CADM2: variants seen among roughly 807,000 people sequenced by gnomAD.
CADM2 encodes the protein immunoglobulin superfamily member 4D.
Under a neutral mutation model 49.8 loss-of-function variants are expected in CADM2, and 12 were observed. That is an observed-to-expected ratio of 0.24 (90% CI 0.15 to 0.39). The LOEUF (loss-of-function observed/expected upper bound fraction) is 0.39, where lower values mean the gene tolerates loss of function less well. Ranked by LOEUF, CADM2 falls within the 10% of genes least tolerant of loss-of-function variation. The probability of loss-of-function intolerance (pLI) is 1.00; values close to 1 mark genes in which losing one functional copy is unlikely to be tolerated. For missense variants in CADM2, 378 were observed against 492.3 expected (o/e 0.77, Z 2.20); for synonymous variants, 214 against 175.4 (o/e 1.22, Z -1.74).
At chr3:85,731,418 T>C (rs1479569255) in intron 2 of CADM2, among the ~76,000 whole-genome samples, 3 of 152,188 alleles carry the variant, frequency 2.0e-5, no homozygotes, top group Non-Finnish European at 4.4e-5. Context: ...CAACATTCAG[T>C]TGTGACAATT....
At chr3:85,341,894 T>A (rs2045249024) in intron 1 of CADM2, among the ~76,000 whole-genome samples, 1 of 152,044 alleles carries the variant, frequency 6.6e-6, no homozygotes. Context: ...AGGAAGACAT[T>A]TTATCCCCTG....
chr3:85,642,690 A>C (rs1368068440), intron 1 of CADM2, among the ~76,000 whole-genome samples: 1 of 152,206 alleles, frequency 6.6e-6, no homozygotes, highest in East Asian at 1.9e-4. Context: ...CCACTTGGAA[A>C]TGCTATTAAT....
chr3:85,330,317 G>T (rs2044881437), intron 1 of CADM2, among the ~76,000 whole-genome samples: 1 of 152,008 alleles, frequency 6.6e-6, no homozygotes, highest in African/African-American at 2.4e-5. Context: ...AACTCTCATA[G>T]CACTTATCAC....
chr3:85,780,622 G>A (rs984152652), intron 2 of CADM2, among the ~76,000 whole-genome samples: 3 of 152,004 alleles, frequency 2.0e-5, no homozygotes, highest in Non-Finnish European at 4.4e-5. Context: ...TTTTCAGTTA[G>A]CAAAGTCCCT....
intron 1 of CADM2, among the ~76,000 whole-genome samples, chr3:85,310,416 T>G (rs1373167458): frequency 6.6e-6 from 1 of 152,148 alleles, no homozygotes; most frequent in Non-Finnish European, 1.5e-5. Flanking sequence ...GAAGATCTTA[T>G]GAGGGGCAGG....
intron 1 of CADM2, among the ~76,000 whole-genome samples, chr3:85,340,380 A>G (rs865829182): frequency 2.6e-5 from 4 of 151,502 alleles, no homozygotes; most frequent in Non-Finnish European, 5.9e-5. Context: ...ATTTTAAAGA[A>G]CATTAGTCTT....
chr3:85,243,919 A>G (rs2042589607), intron 1 of CADM2, among the ~76,000 whole-genome samples: 1 of 152,068 alleles, frequency 6.6e-6, no homozygotes, highest in African/African-American at 2.4e-5. Flanking sequence ...TAATGTGCAA[A>G]TATTTATATA....
chr3:85,271,660 A>C (rs1489968424), intron 1 of CADM2, among the ~76,000 whole-genome samples: 1 of 151,120 alleles, frequency 6.6e-6, no homozygotes, highest in Non-Finnish European at 1.5e-5. Flanking sequence ...TGAATAGCAC[A>C]TACAGTAACT....
intron 1 of CADM2, among the ~76,000 whole-genome samples, chr3:85,612,325 T>C (rs1325115276): frequency 6.6e-6 from 1 of 151,932 alleles, no homozygotes; most frequent in Non-Finnish European, 1.5e-5. Context: ...CAGATTTCCA[T>C]GCATTGCAAA....
chr3:85,375,449 T>C (rs1302549190), intron 1 of CADM2, among the ~76,000 whole-genome samples: 1 of 152,188 alleles, frequency 6.6e-6, no homozygotes, highest in Non-Finnish European at 1.5e-5. Flanking sequence ...TGGAAGTCAA[T>C]TTATAAATAA....
intron 1 of CADM2, among the ~76,000 whole-genome samples, chr3:85,657,761 G>GAT (rs763157128): frequency 0.16 from 17,311 of 109,890 alleles, 1,447 homozygotes; most frequent in African/African-American, 0.22. Context: ...TATATACACA[G>GAT]ATATATATAT....
intron 1 of CADM2, among the ~76,000 whole-genome samples, chr3:85,174,255 A>G (rs948081084): frequency 4.6e-5 from 7 of 152,124 alleles, no homozygotes; most frequent in African/African-American, 1.7e-4. Flanking sequence ...TAAGATTTCA[A>G]ATATTTGAGG....
intron 1 of CADM2, among the ~76,000 whole-genome samples, chr3:85,404,550 T>C (rs989314257): frequency 6.6e-6 from 1 of 152,182 alleles, no homozygotes; most frequent in African/African-American, 2.4e-5. Context: ...TTATTTGATT[T>C]TCTCCAGCTA....
intron 1 of CADM2, among the ~76,000 whole-genome samples, chr3:85,360,790 C>G: frequency 6.6e-6 from 1 of 152,248 alleles, no homozygotes; most frequent in South Asian, 2.1e-4. Context: ...AGTGTTGTTA[C>G]AAACTGGTGT....
At chr3:85,432,370 G>A (rs1486519214) in intron 1 of CADM2, among the ~76,000 whole-genome samples, 3 of 151,996 alleles carry the variant, frequency 2.0e-5, no homozygotes, top group Non-Finnish European at 2.9e-5. Flanking sequence ...ATAACAGACT[G>A]AGGGGCCTGC....
At chr3:85,537,494 TTGTGTG>T (rs60728026) in intron 1 of CADM2, among the ~76,000 whole-genome samples, 4 of 85,556 alleles carry the variant, frequency 4.7e-5, no homozygotes, top group Admixed American at 1.3e-4. Flanking sequence ...GCATGGTTGT[TTGTGTG>T]TGTGTGTGTG....
intron 3 of CADM2, among the ~76,000 whole-genome samples, chr3:85,879,649 G>T (rs1461093692): frequency 6.6e-6 from 1 of 152,044 alleles, no homozygotes; most frequent in Non-Finnish European, 1.5e-5. Context: ...TCCATCAAAT[G>T]TGCATTAAAA....
intron 1 of CADM2, among the ~76,000 whole-genome samples, chr3:85,425,975 G>C (rs1320945385): frequency 6.6e-6 from 1 of 152,146 alleles, no homozygotes; most frequent in East Asian, 1.9e-4. Flanking sequence ...ATGGGAATAA[G>C]AGCCTAAGAA....
chr3:85,870,084 C>T (rs2075865665), intron 3 of CADM2, among the ~76,000 whole-genome samples: 2 of 152,136 alleles, frequency 1.3e-5, no homozygotes, highest in African/African-American at 4.8e-5. Flanking sequence ...AACATAAGAT[C>T]TCCTGGGCTC....
Sources: gnomAD v4.1 joint callset for allele counts (sites outside exome capture counted in the v4.1 genomes callset) on GRCh38, gnomAD v4.1.1 for gene constraint, MANE v1.5 for transcripts, NCBI Gene and HGNC (gene_info 2026-07-23, HGNC 2026-07-21) for gene names.